DAAM1: variants seen among roughly 807,000 people sequenced by gnomAD.
The protein encoded by DAAM1 is dishevelled associated activator of morphogenesis 1.
DAAM1 carries 52 observed loss-of-function variants against 130.0 expected under a neutral mutation model. The ratio of observed to expected loss-of-function variants is 0.40; its 90% CI spans 0.32 to 0.50. DAAM1 has a LOEUF of 0.50. DAAM1 is among the 20% of genes least tolerant of loss of function. The pLI is 0.61. For missense variants in DAAM1, 1,134 were observed against 1,303.8 expected (o/e 0.87, Z 2.01); for synonymous variants, 452 against 444.5 (o/e 1.02, Z -0.21).
intron 17 of DAAM1, among the ~76,000 whole-genome samples, chr14:59,348,617 G>A (rs1040991477): frequency 6.6e-6 from 1 of 152,216 alleles, no homozygotes; most frequent in South Asian, 2.1e-4. Flanking sequence ...AAGCAACTAT[G>A]ATTCTAGACT....
chr14:59,210,518 G>A (rs1888395051), intron 1 of DAAM1, among the ~76,000 whole-genome samples: 1 of 152,168 alleles, frequency 6.6e-6, no homozygotes, highest in Non-Finnish European at 1.5e-5. Context: ...CCCTTTGGAA[G>A]GAAACTTACG....
rs769483549 is a variant in DAAM1, at chr14:59,352,528, C to T, written c.2163C>T (p.Leu721=). 3 of 1,611,498 alleles carry T rather than the reference C, an allele frequency of 1.9e-6. No individual in the cohort carries two copies. The highest frequency in any genetic ancestry group is 2.5e-6 in the Non-Finnish European group (3 of 1,179,018). Residue 721 remains leucine (L), a splice_region_variant and synonymous_variant, in exon 18 of 25, where the codon CTC becomes CTT. Coordinates refer to ENST00000360909, the MANE Select transcript of DAAM1 (RefSeq NM_001270520.2). ...EDLPKDMLEQ[L]LKFVPEKSDI... ...TAATATTCGTGTGTACTTTTCAGCT[C>T]TTGAAATTTGTTCCTGAAAAAAGTG...
At chr14:59,277,040 T>C (rs530917862) in intron 2 of DAAM1, among the ~76,000 whole-genome samples, 40 of 152,196 alleles carry the variant, frequency 2.6e-4, no homozygotes, top group African/African-American at 9.4e-4. Context: ...GCCAAAAACT[T>C]GTATTTTATC....
chr14:59,222,415 A>G (rs978668635), intron 1 of DAAM1, among the ~76,000 whole-genome samples: 1 of 152,202 alleles, frequency 6.6e-6, no homozygotes, highest in South Asian at 2.1e-4. Flanking sequence ...AGTGTAATCA[A>G]CCTGCCACCA....
intron 2 of DAAM1, among the ~76,000 whole-genome samples, chr14:59,267,550 T>C (rs1324831468): frequency 6.6e-6 from 1 of 152,170 alleles, no homozygotes; most frequent in Non-Finnish European, 1.5e-5. Flanking sequence ...ATAATTCACC[T>C]ATGTAAAGTG....
chr14:59,315,433 T>G (rs1008938623), intron 4 of DAAM1, 82 bp downstream of exon 4: 70 of 1,331,630 alleles, frequency 5.3e-5, no homozygotes, highest in Middle Eastern at 1.9e-4. Context: ...ATAAATTCGA[T>G]TGAGTATGAC....
chr14:59,343,086 G>A (rs192448345), intron 16 of DAAM1, among the ~76,000 whole-genome samples: 29 of 152,224 alleles, frequency 1.9e-4, no homozygotes, highest in African/African-American at 6.7e-4. Flanking sequence ...GCCCTGCAGC[G>A]GCTTGTGAGA....
At chr14:59,350,417 T>G (rs528702952) in intron 17 of DAAM1, among the ~76,000 whole-genome samples, 51 of 151,152 alleles carry the variant, frequency 3.4e-4, no homozygotes, top group Non-Finnish European at 6.5e-4. Flanking sequence ...CTACACACAG[T>G]GTGCATACAC....
intron 2 of DAAM1, among the ~76,000 whole-genome samples, chr14:59,282,760 A>T (rs565323066): frequency 4.6e-5 from 7 of 152,292 alleles, no homozygotes; most frequent in South Asian, 2.1e-4. Context: ...ACTTTATAGG[A>T]TTGTTGTAAG....
At chr14:59,360,922 G>A in intron 22 of DAAM1, 60 bp downstream of exon 22, 1 of 1,502,348 alleles carries the variant, frequency 6.7e-7, no homozygotes, top group Non-Finnish European at 9.2e-7. Flanking sequence ...TAGTGCTGGT[G>A]GTTTTCAGCA....
chr14:59,253,283 G>A (rs1443424425), intron 1 of DAAM1, among the ~76,000 whole-genome samples: 3 of 152,152 alleles, frequency 2.0e-5, no homozygotes, highest in South Asian at 2.1e-4. Flanking sequence ...GCAATTCTGC[G>A]GCTGCCTATG....
chr14:59,301,365 A>C (rs1884164858), intron 3 of DAAM1, among the ~76,000 whole-genome samples: 1 of 152,102 alleles, frequency 6.6e-6, no homozygotes, highest in African/African-American at 2.4e-5. Context: ...CACAGAGCAA[A>C]CCAAATAAAT....
At chr14:59,315,190 C>A in intron 3 of DAAM1, 90 bp from the exon 4 acceptor site, 2 of 1,126,042 alleles carry the variant, frequency 1.8e-6, no homozygotes, top group Non-Finnish European at 2.7e-6. Flanking sequence ...TTGAGTGGGT[C>A]ATTGTCTGGG....
chr14:59,364,832 T>C (rs1886851542), intron 23 of DAAM1, among the ~76,000 whole-genome samples: 1 of 151,954 alleles, frequency 6.6e-6, no homozygotes, highest in Non-Finnish European at 1.5e-5. Context: ...TATGTTCAAA[T>C]GGCTGCTGTC....
At chr14:59,267,838 G>C (rs891778706) in intron 2 of DAAM1, among the ~76,000 whole-genome samples, 1 of 151,156 alleles carries the variant, frequency 6.6e-6, no homozygotes, top group African/African-American at 2.4e-5. Flanking sequence ...CTTAGAGCAT[G>C]TACCAGTACT....
intron 1 of DAAM1, among the ~76,000 whole-genome samples, chr14:59,225,055 G>A (rs183937520): frequency 1.7e-5 from 2 of 118,132 alleles, no homozygotes; most frequent in African/African-American, 3.1e-5. Flanking sequence ...TTGAGACGGA[G>A]TCTCCTTCTG....
At chr14:59,247,867 C>T (rs1038458261) in intron 1 of DAAM1, among the ~76,000 whole-genome samples, 1 of 152,166 alleles carries the variant, frequency 6.6e-6, no homozygotes, top group Admixed American at 6.5e-5. Flanking sequence ...TTACATTTAT[C>T]ATATACCATG....
Position 59,370,031 on chromosome 14 carries a change from CATGAATAAAATCA to C in DAAM1, c.*1178_*1190del, listed in dbSNP as rs1219030729. ...CAAAAAAATAAAGCTCTCAGGGAGA[CATGAATAAAATCA>C]ATGAACATTAGAAAATAAAATATAG... On this transcript the variant is annotated 3_prime_UTR_variant, in exon 25 of 25. Transcript: ENST00000360909. 8.0e-5 allele frequency: 12 copies of C among 150,610 alleles called. No homozygotes were observed. The East Asian group carries it at 2.1e-3, about 27-fold the overall frequency. The allele number at this position is 150,610 out of a possible 1,614,324, so 9.3% of individuals were successfully genotyped here. A position where few individuals can be genotyped will look rare whatever the true frequency, so the allele number is the denominator to read the frequency against.
intron 2 of DAAM1, among the ~76,000 whole-genome samples, chr14:59,275,420 C>T (rs1282095166): frequency 6.6e-6 from 1 of 151,662 alleles, no homozygotes; most frequent in Non-Finnish European, 1.5e-5. Context: ...TGCACGTGTA[C>T]CCCGAACTTA....
Sources: allele counts gnomAD v4.1 joint callset (sites outside exome capture counted in the v4.1 genomes callset), GRCh38; gene constraint gnomAD v4.1.1; transcripts MANE v1.5; gene names NCBI Gene and HGNC (gene_info 2026-07-23, HGNC 2026-07-21).